The following PKD2 variants were observed in gnomAD, a reference collection of about 807,000 sequenced individuals.
PKD2 encodes the protein polycystin-2.
In PKD2, 48 loss-of-function variants were observed where a neutral mutation model predicts 105.9. That is an observed-to-expected ratio of 0.45 (90% CI 0.36 to 0.58). PKD2 has a LOEUF of 0.58. PKD2 is among the 20% of genes least tolerant of loss of function. PKD2 has a pLI of 0.00. For synonymous variants in PKD2, 464 were observed against 481.1 expected, an observed-to-expected ratio of 0.96 and a Z score of 0.46; for missense variants, 1,078 against 1,255.3, an observed-to-expected ratio of 0.86 and a Z score of 2.13.
intron 1 of PKD2, among the ~76,000 whole-genome samples, chr4:88,018,970 G>A (rs578087768): frequency 6.6e-6 from 1 of 152,134 alleles, no homozygotes; most frequent in East Asian, 1.9e-4. Flanking sequence ...ATATTGAAGT[G>A]ATTCTCCAAC....
chr4:88,037,482 T>C (rs1727379043), intron 3 of PKD2, among the ~76,000 whole-genome samples: 1 of 152,208 alleles, frequency 6.6e-6, no homozygotes, highest in Non-Finnish European at 1.5e-5. Context: ...GTTTCTAAAA[T>C]TCTTACTACA....
chr4:88,009,791 G>C (rs901714062), intron 1 of PKD2, among the ~76,000 whole-genome samples: 1 of 152,088 alleles, frequency 6.6e-6, no homozygotes, highest in African/African-American at 2.4e-5. Flanking sequence ...CATTTAAAAT[G>C]TGCATTTAAA....
At chr4:88,054,183 G>A (rs1016467120) in intron 7 of PKD2, among the ~76,000 whole-genome samples, 3 of 151,758 alleles carry the variant, frequency 2.0e-5, no homozygotes, top group Admixed American at 6.6e-5. Context: ...ATCACCTGAC[G>A]TCGGGTTTGA....
chr4:88,055,099 T>C (rs17730671), intron 7 of PKD2, among the ~76,000 whole-genome samples: 5,325 of 152,174 alleles, frequency 0.035, 129 homozygotes, highest in Middle Eastern at 0.17. Context: ...ACCAGCAGGG[T>C]TCACTATCTA....
At chr4:88,074,732 G>A (rs1721166873) in intron 13 of PKD2, 80 bp from the exon 14 acceptor site, 6 of 1,453,054 alleles carry the variant, frequency 4.1e-6, no homozygotes, top group Non-Finnish European at 5.8e-6. Flanking sequence ...AAAAATCTTA[G>A]CACTTCCTTT....
chr4:88,072,449 C>T (rs906926592), intron 13 of PKD2, among the ~76,000 whole-genome samples: 7 of 152,204 alleles, frequency 4.6e-5, no homozygotes, highest in Non-Finnish European at 1.0e-4. Context: ...AATTTCCTCA[C>T]GCTTCATTCC....
intron 9 of PKD2, among the ~76,000 whole-genome samples, chr4:88,060,345 T>C (rs1692280457): frequency 6.6e-6 from 1 of 152,142 alleles, no homozygotes; most frequent in Non-Finnish European, 1.5e-5. Flanking sequence ...AACAATATTC[T>C]TCCTTAATAC....
intron 3 of PKD2, 132 bp from the exon 4 acceptor site, chr4:88,038,119 C>T: frequency 2.0e-6 from 2 of 985,592 alleles, no homozygotes; most frequent in South Asian, 2.7e-5. Flanking sequence ...ATCTCTCTGA[C>T]AACAAAACTC....
chr4:88,049,969 A>ATTTT (rs397881137), intron 6 of PKD2, among the ~76,000 whole-genome samples: 6 of 118,506 alleles, frequency 5.1e-5, no homozygotes, highest in African/African-American at 7.5e-5. Context: ...TACAGGGTAA[A>ATTTT]TTTTTTTTTT....
Position 88,056,162 on chromosome 4 carries a change from T to G in PKD2, c.1793T>G (p.Phe598Cys), listed in dbSNP as rs763225613. Residue 598 changes from phenylalanine to cysteine, a missense_variant, in exon 8 of 15, where the codon TTT (phenylalanine) becomes TGT (cysteine). Coordinates refer to ENST00000237596, the MANE Select transcript of PKD2 (RefSeq NM_000297.4). The stretch of plus-strand genomic sequence containing the variant: ...ATGTCTCGATGTGCCAAAGACCTGT[T>G]TGGCTTTGCTATTATGTTCTTCATT... ...TTMSRCAKDLFGFAIMFFIIF... is the reference protein window; with the variant it reads ...TTMSRCAKDLCGFAIMFFIIF... 6.2e-7 allele frequency: 1 copy of G among 1,613,492 alleles called. No homozygotes were observed. The highest frequency in any genetic ancestry group is 1.7e-5 in the Admixed American group (1 of 60,022).
chr4:88,012,177 T>C (rs1296689732), intron 1 of PKD2, among the ~76,000 whole-genome samples: 2 of 152,218 alleles, frequency 1.3e-5, no homozygotes, highest in Non-Finnish European at 2.9e-5. Flanking sequence ...GGCACTGTGT[T>C]AAACTCCTTA....
rs145558671 is a variant in PKD2, at chr4:88,025,357, C to T, written c.709+5786C>T. Among the ~76,000 whole-genome samples, 370 of 152,034 alleles carry T rather than the reference C, an allele frequency of 2.4e-3. 3 individuals carry two copies. The highest frequency in any genetic ancestry group is 8.6e-3 in the African/African-American group (355 of 41,484). ...CCTGTAGTCCCAATTACTTGGGAGC[C>T]TGAGGCAGGAGAACTGCTTGAGGCT... On this transcript the variant is annotated intron_variant, in intron 2 of 14. Transcript: ENST00000237596.
Position 88,018,832 on chromosome 4 carries a change from G to C in PKD2, c.596-626G>C, listed in dbSNP as rs111338884. On this transcript the variant is annotated intron_variant, in intron 1 of 14. Coordinates refer to ENST00000237596, the MANE Select transcript of PKD2 (RefSeq NM_000297.4). Reference sequence around the variant, plus strand: ...TTTTAAAGATTATATGTTAATTGCTGTTTTAAAAATCTGCTCAGCTAAGCA... The same window carrying C: ...TTTTAAAGATTATATGTTAATTGCTCTTTTAAAAATCTGCTCAGCTAAGCA... Among the ~76,000 whole-genome samples the C allele has an allele frequency of 4.9e-4, 75 of 152,328 alleles. 1 individual carries two copies. The highest frequency in any genetic ancestry group is 1.6e-3 in the African/African-American group (68 of 41,580).
chr4:88,030,645 AG>A (rs1254961811), intron 2 of PKD2, among the ~76,000 whole-genome samples: 4 of 152,200 alleles, frequency 2.6e-5, no homozygotes, highest in African/African-American at 9.6e-5. Context: ...GACCAGATCC[AG>A]GGAGAAGCTT....
At chr4:88,031,423 G>A (rs1727147839) in intron 2 of PKD2, among the ~76,000 whole-genome samples, 1 of 152,160 alleles carries the variant, frequency 6.6e-6, no homozygotes, top group Non-Finnish European at 1.5e-5. Context: ...CTGCATCCCT[G>A]TGAGGATACC....
rs527763850 is a variant in PKD2, at chr4:88,038,367, A to T, written c.960A>T (p.Arg320=). The T allele has an allele frequency of 6.2e-7, 1 of 1,614,134 alleles. No homozygotes were observed. The highest frequency in any genetic ancestry group is 1.1e-5 in the South Asian group (1 of 91,080). ...AGAACCTGCTGTTAGGGGTTCCACG[A>T]ATACGGCAACTCCGAGTCAGAAATG... is the stretch of plus-strand genomic sequence containing the variant. The part of the protein sequence containing the change: ...FYENLLLGVP[R]IRQLRVRNGS... The change falls in exon 4 of 15, where the codon CGA becomes CGT. Residue 320 remains arginine, a synonymous_variant. Transcript: ENST00000237596.
chr4:88,025,993 G>A (rs777836869), intron 2 of PKD2, among the ~76,000 whole-genome samples: 3 of 152,104 alleles, frequency 2.0e-5, no homozygotes, highest in East Asian at 1.9e-4. Context: ...ATAAATTACC[G>A]AGTCTCAGGC....
chr4:88,069,778 C>T (rs1578150168), intron 13 of PKD2, among the ~76,000 whole-genome samples: 1 of 152,042 alleles, frequency 6.6e-6, no homozygotes, highest in African/African-American at 2.4e-5. Context: ...TAATTCTCTT[C>T]TTTTGCTCCT....
At chr4:88,054,827 T>C (rs1720262921) in intron 7 of PKD2, among the ~76,000 whole-genome samples, 1 of 151,934 alleles carries the variant, frequency 6.6e-6, no homozygotes, top group African/African-American at 2.4e-5. Flanking sequence ...GCTAATTTTT[T>C]ATATTTTTAG....
Sources: gnomAD v4.1 joint callset for allele counts (sites outside exome capture counted in the v4.1 genomes callset) on GRCh38, gnomAD v4.1.1 for gene constraint, MANE v1.5 for transcripts, NCBI Gene and HGNC (gene_info 2026-07-23, HGNC 2026-07-21) for gene names.